The following SCLT1 variants were observed in gnomAD, a reference collection of about 807,000 sequenced individuals.
The protein encoded by SCLT1 is sodium channel and clathrin linker 1.
A neutral mutation model predicts 112.8 loss-of-function variants in SCLT1; 78 were observed. The ratio of observed to expected loss-of-function variants is 0.69; its 90% CI spans 0.58 to 0.83. The LOEUF is 0.83. Among genes scored for constraint, SCLT1 ranks in the 40% least tolerant of loss-of-function variants. The pLI is 0.00. For synonymous variants in SCLT1, 257 were observed against 254.7 expected (o/e 1.01, Z -0.09); for missense variants, 747 against 770.4 (o/e 0.97, Z 0.36).
rs561429559 is a variant in SCLT1 at position 129,078,237 on chromosome 4, A to G, written c.102+4069T>C. The stretch of plus-strand genomic sequence containing the variant: ...GGTCTGCTACTCTTGAGCTTTAATT[A>G]GTATAATCACAATGCATAATGCAGG... On this transcript the variant is annotated intron_variant, in intron 2 of 20. Transcript: ENST00000281142. Among the ~76,000 whole-genome samples, 5 of 152,374 alleles carry G rather than the reference A, an allele frequency of 3.3e-5. No homozygotes were observed. The East Asian group carries it at 9.6e-4, about 29-fold the overall frequency.
At chr4:129,084,513 G>A (rs1019970114) in intron 1 of SCLT1, among the ~76,000 whole-genome samples, 1 of 151,946 alleles carries the variant, frequency 6.6e-6, no homozygotes, top group African/African-American at 2.4e-5. Flanking sequence ...ACGTTTCTCT[G>A]GAAAAAACTT....
intron 10 of SCLT1, among the ~76,000 whole-genome samples, chr4:128,969,868 T>C (rs574781744): frequency 1.3e-5 from 2 of 152,316 alleles, no homozygotes; most frequent in East Asian, 3.9e-4. Flanking sequence ...ATCAACTTTT[T>C]ACAGATTGGA....
chr4:128,946,615 G>A (rs896744174), intron 15 of SCLT1, among the ~76,000 whole-genome samples: 6 of 152,084 alleles, frequency 3.9e-5, no homozygotes, highest in African/African-American at 1.4e-4. Context: ...CATGCTCATG[G>A]TAAACTATGC....
intron 18 of SCLT1, among the ~76,000 whole-genome samples, chr4:128,902,145 G>A (rs961571346): frequency 6.6e-6 from 1 of 151,960 alleles, no homozygotes; most frequent in African/African-American, 2.4e-5. Flanking sequence ...GCTCAAGCAA[G>A]CCTCCCACCT....
At chr4:128,966,480 ATC>A (rs1376813138) in intron 10 of SCLT1, among the ~76,000 whole-genome samples, 1 of 152,164 alleles carries the variant, frequency 6.6e-6, no homozygotes, top group East Asian at 1.9e-4. Context: ...CATATATTAC[ATC>A]TGCACACTTT....
intron 18 of SCLT1, among the ~76,000 whole-genome samples, chr4:128,891,833 C>T (rs961037325): frequency 1.4e-4 from 22 of 151,902 alleles, no homozygotes; most frequent in African/African-American, 3.6e-4. Context: ...TTAGTAGAGA[C>T]GGGGTTTCAC....
intron 15 of SCLT1, among the ~76,000 whole-genome samples, chr4:128,946,864 T>C (rs1297304778): frequency 6.6e-6 from 1 of 152,122 alleles, no homozygotes; most frequent in Non-Finnish European, 1.5e-5. Flanking sequence ...GCAGTGGTGG[T>C]TGTACCTAAG....
chr4:129,090,423 C>T (rs1194844795), intron 1 of SCLT1, among the ~76,000 whole-genome samples: 1 of 152,126 alleles, frequency 6.6e-6, no homozygotes, highest in African/African-American at 2.4e-5. Context: ...TGGCCTGGAT[C>T]CTTACCTCAT....
At chr4:128,896,454 G>C (rs1052147410) in intron 18 of SCLT1, among the ~76,000 whole-genome samples, 64 of 152,326 alleles carry the variant, frequency 4.2e-4, no homozygotes, top group Middle Eastern at 3.4e-3. Context: ...CAGACCTGCA[G>C]CTGAGGGTCC....
intron 13 of SCLT1, among the ~76,000 whole-genome samples, chr4:128,953,457 A>G (rs1738938538): frequency 6.6e-6 from 1 of 152,214 alleles, no homozygotes; most frequent in Admixed American, 6.5e-5. Context: ...CTACAATTAT[A>G]GAAGTAGGTG....
intron 17 of SCLT1, among the ~76,000 whole-genome samples, chr4:128,938,938 C>A (rs978969902): frequency 6.6e-6 from 1 of 152,142 alleles, no homozygotes; most frequent in Admixed American, 6.5e-5. Flanking sequence ...GCCAAGATCA[C>A]GCCATTGCAC....
At chr4:128,947,908 A>C (rs1355181878) in intron 15 of SCLT1, among the ~76,000 whole-genome samples, 1 of 152,168 alleles carries the variant, frequency 6.6e-6, no homozygotes, top group Admixed American at 6.5e-5. Context: ...GCTAAAATAA[A>C]ACTCAAAAAG....
At chr4:128,888,837 A>C (rs1560803195) in intron 19 of SCLT1, 63 bp from the exon 20 acceptor site, 1 of 945,318 alleles carries the variant, frequency 1.1e-6, no homozygotes, top group Non-Finnish European at 1.7e-6. Context: ...GTTTTGTGGA[A>C]TAATCAACGA....
At chr4:129,008,096 C>T (rs894733411) in intron 5 of SCLT1, among the ~76,000 whole-genome samples, 4 of 152,044 alleles carry the variant, frequency 2.6e-5, no homozygotes, top group Non-Finnish European at 4.4e-5. Flanking sequence ...ATTTTAAAGC[C>T]ATTATTATTA....
intron 5 of SCLT1, among the ~76,000 whole-genome samples, chr4:129,012,333 T>C (rs1231214372): frequency 6.6e-6 from 1 of 152,182 alleles, no homozygotes; most frequent in Non-Finnish European, 1.5e-5. Flanking sequence ...TGTAATTGTA[T>C]GGTTTTGAGC....
intron 17 of SCLT1, among the ~76,000 whole-genome samples, chr4:128,940,959 A>G (rs1238992978): frequency 6.6e-6 from 1 of 152,172 alleles, no homozygotes; most frequent in African/African-American, 2.4e-5. Flanking sequence ...ACTTAGAGAT[A>G]CTTAGCAATT....
downstream of SCLT1, among the ~76,000 whole-genome samples, chr4:128,882,691 A>C (rs143094273): frequency 2.5e-4 from 38 of 152,298 alleles, 1 homozygote; most frequent in East Asian, 7.1e-3. Flanking sequence ...TAAAGAAAAT[A>C]TTCCAAAAAG....
At chr4:129,024,712 G>A (rs1277396566) in intron 5 of SCLT1, among the ~76,000 whole-genome samples, 12 of 152,218 alleles carry the variant, frequency 7.9e-5, no homozygotes, top group African/African-American at 2.9e-4. Flanking sequence ...TGACTTTGAC[G>A]AGTTGAGAGA....
intron 2 of SCLT1, among the ~76,000 whole-genome samples, chr4:129,065,526 G>A (rs1750399968): frequency 6.6e-6 from 1 of 152,022 alleles, no homozygotes; most frequent in African/African-American, 2.4e-5. Flanking sequence ...ATTCAAGCCT[G>A]TTGCTGTAGC....
Sources: allele counts gnomAD v4.1 joint callset (sites outside exome capture counted in the v4.1 genomes callset), GRCh38; gene constraint gnomAD v4.1.1; transcripts MANE v1.5; gene names NCBI Gene and HGNC (gene_info 2026-07-23, HGNC 2026-07-21).